The following MBD2 variants were observed in gnomAD, a reference collection of about 807,000 sequenced individuals.
The protein encoded by MBD2 is methyl-CpG binding domain protein 2.
Under a neutral mutation model 39.3 loss-of-function variants are expected in MBD2, and 9 were observed. The ratio of observed to expected loss-of-function variants is 0.23; its 90% CI spans 0.14 to 0.40. The LOEUF (loss-of-function observed/expected upper bound fraction) is 0.40, where lower values mean the gene tolerates loss of function less well. Among genes scored for constraint, MBD2 ranks in the 10% least tolerant of loss-of-function variants. The probability of loss-of-function intolerance (pLI) is 1.00; values close to 1 mark genes in which losing one functional copy is unlikely to be tolerated. For synonymous variants in MBD2, 233 were observed against 211.1 expected, an observed-to-expected ratio of 1.10 and a Z score of -0.90; for missense variants, 458 against 532.6, an observed-to-expected ratio of 0.86 and a Z score of 1.38.
intron 3 of MBD2, among the ~76,000 whole-genome samples, chr18:54,174,541 TC>T: frequency 6.6e-6 from 1 of 152,146 alleles, no homozygotes; most frequent in Non-Finnish European, 1.5e-5. Context: ...TGGTGGAGAA[TC>T]CAGTCATTCT....
chr18:54,164,943 T>A (rs1027162429), intron 4 of MBD2, among the ~76,000 whole-genome samples: 3 of 152,244 alleles, frequency 2.0e-5, no homozygotes, highest in African/African-American at 7.2e-5. Flanking sequence ...CAAATCCTCA[T>A]GCTTGCTGTA....
intron 1 of MBD2, among the ~76,000 whole-genome samples, chr18:54,211,430 C>T (rs930740718): frequency 1.3e-5 from 2 of 151,792 alleles, no homozygotes; most frequent in Admixed American, 6.6e-5. Flanking sequence ...CACGCAAGCA[C>T]GCACGAGAAA....
intron 3 of MBD2, among the ~76,000 whole-genome samples, chr18:54,168,408 C>T (rs978621517): frequency 2.6e-5 from 4 of 151,602 alleles, no homozygotes; most frequent in African/African-American, 7.3e-5. Context: ...TCTGATACCC[C>T]GCAACTACAG....
chr18:54,203,576 G>C (rs879311451), intron 2 of MBD2, among the ~76,000 whole-genome samples: 4 of 152,164 alleles, frequency 2.6e-5, no homozygotes, highest in African/African-American at 7.2e-5. Flanking sequence ...ACCTGCCAAT[G>C]TCCCTATGAA....
chr18:54,195,503 G>C (rs1329203837), intron 2 of MBD2, among the ~76,000 whole-genome samples: 1 of 152,066 alleles, frequency 6.6e-6, no homozygotes, highest in Non-Finnish European at 1.5e-5. Flanking sequence ...AATTTGAGAA[G>C]CAGAGACTAT....
intron 3 of MBD2, among the ~76,000 whole-genome samples, chr18:54,178,751 T>G (rs868374040): frequency 4.6e-5 from 7 of 152,180 alleles, no homozygotes; most frequent in African/African-American, 1.4e-4. Context: ...CAAAACTTGT[T>G]AGGAAAGGTC....
At chr18:54,197,174 T>C (rs1229496374) in intron 2 of MBD2, among the ~76,000 whole-genome samples, 1 of 152,228 alleles carries the variant, frequency 6.6e-6, no homozygotes, top group East Asian at 1.9e-4. Flanking sequence ...CAAGTCATCA[T>C]CATCCCCACC....
chr18:54,168,619 G>T (rs371512969), intron 3 of MBD2, among the ~76,000 whole-genome samples: 1 of 36,172 alleles, frequency 2.8e-5, no homozygotes, highest in African/African-American at 3.3e-4. Flanking sequence ...ATATTTGTGT[G>T]TGTGTGTGTG....
rs572235492 is a variant in MBD2, at chr18:54,201,803, C to CAGT, written c.702+3192_702+3194dup. On this transcript the variant is annotated intron_variant, in intron 2 of 6. Transcript: ENST00000256429. The stretch of plus-strand genomic sequence containing the variant: ...GCGTGAACCTGGGAGGCAAAGCTTG[C>CAGT]AGTAAGCTGAGATGGCACCACTGCA... 4.1e-4 allele frequency among the ~76,000 whole-genome samples: 61 copies of CAGT among 148,574 alleles called. 1 individual carries two copies. The South Asian group carries it at 0.013, about 31-fold the overall frequency.
intron 2 of MBD2, among the ~76,000 whole-genome samples, chr18:54,190,455 G>T (rs191102727): frequency 6.6e-6 from 1 of 152,196 alleles, no homozygotes; most frequent in Non-Finnish European, 1.5e-5. Flanking sequence ...GCTGTCCAGG[G>T]TGGGGTCCCG....
At chr18:54,164,019 G>T (rs2086113350) in intron 5 of MBD2, among the ~76,000 whole-genome samples, 1 of 152,106 alleles carries the variant, frequency 6.6e-6, no homozygotes, top group Non-Finnish European at 1.5e-5. Context: ...AAGTAGCTGG[G>T]ACTACAGTTA....
chr18:54,159,834 C>T lies in MBD2; in HGVS notation c.1179G>A (p.Ser393=), dbSNP rs139144092. The T allele has an allele frequency of 4.8e-5, 77 of 1,612,656 alleles. No homozygotes were observed. The highest frequency in any genetic ancestry group is 1.2e-4 in the Admixed American group (7 of 60,000). ...LEEALMADIL[S]RAADTEEMDI... The stretch of plus-strand genomic sequence containing the variant: ...CCATCTCTTCTGTATCAGCAGCTCG[C>T]GACAAGATGTCTGCCATCAGTGCTT... The change falls in exon 6 of 7, where the codon TCG becomes TCA. Residue 393 remains serine, a synonymous_variant. Coordinates refer to ENST00000256429, the MANE Select transcript of MBD2 (RefSeq NM_003927.5).
chr18:54,184,021 T>A (rs1178099007), intron 3 of MBD2, among the ~76,000 whole-genome samples: 1 of 152,180 alleles, frequency 6.6e-6, no homozygotes, highest in Non-Finnish European at 1.5e-5. Flanking sequence ...TAAATGTTTC[T>A]CATTTTTAAA....
chr18:54,191,240 G>A (rs533875365), intron 2 of MBD2, among the ~76,000 whole-genome samples: 1 of 152,186 alleles, frequency 6.6e-6, no homozygotes, highest in East Asian at 1.9e-4. Context: ...CAGCAGGTCT[G>A]AGATAGGGCC....
At chr18:54,201,371 T>C (rs1206991284) in intron 2 of MBD2, among the ~76,000 whole-genome samples, 1 of 152,196 alleles carries the variant, frequency 6.6e-6, no homozygotes, top group Non-Finnish European at 1.5e-5. Context: ...TGGTTGGAAA[T>C]AATTATGGCA....
intron 1 of MBD2, among the ~76,000 whole-genome samples, chr18:54,213,082 G>A (rs1374075362): frequency 8.8e-5 from 11 of 125,228 alleles, no homozygotes; most frequent in Non-Finnish European, 1.7e-5. Flanking sequence ...AGGATTATGG[G>A]GGCGGGGGGG....
intron 3 of MBD2, chr18:54,187,909 T>C (rs1195880067): frequency 1.0e-6 from 1 of 967,444 alleles, no homozygotes; most frequent in Non-Finnish European, 1.2e-6. Context: ...AGAGCAACTG[T>C]CTGAAAGTTT....
At chr18:54,200,924 C>CA (rs1414001856) in intron 2 of MBD2, among the ~76,000 whole-genome samples, 2 of 151,834 alleles carry the variant, frequency 1.3e-5, no homozygotes, top group Non-Finnish European at 2.9e-5. Flanking sequence ...CTAAGAAATA[C>CA]AAAAAATTAG....
At chr18:54,173,160 C>T (rs745416942) in intron 3 of MBD2, among the ~76,000 whole-genome samples, 2 of 152,088 alleles carry the variant, frequency 1.3e-5, no homozygotes, top group South Asian at 2.1e-4. Context: ...CTTGCTACTA[C>T]GAATATTTTA....
Sources: gnomAD v4.1 joint callset for allele counts (sites outside exome capture counted in the v4.1 genomes callset) on GRCh38, gnomAD v4.1.1 for gene constraint, MANE v1.5 for transcripts, NCBI Gene and HGNC (gene_info 2026-07-23, HGNC 2026-07-21) for gene names.